KLHL13: variants seen among roughly 807,000 people sequenced by gnomAD.
The protein encoded by KLHL13 is kelch like family member 13.
A neutral mutation model predicts 37.1 loss-of-function variants in KLHL13; 10 were observed. The observed-to-expected ratio is 0.27, with a 90% CI of 0.17 to 0.46. The LOEUF (loss-of-function observed/expected upper bound fraction) is 0.46, where lower values mean the gene tolerates loss of function less well. Among genes scored for constraint, KLHL13 ranks in the 20% least tolerant of loss-of-function variants. The pLI is 1.00. For synonymous variants in KLHL13, 163 were observed against 181.2 expected, an observed-to-expected ratio of 0.90 and a Z score of 0.81; for missense variants, 360 against 509.3, an observed-to-expected ratio of 0.71 and a Z score of 2.82.
chrX:118,072,221 C>T (rs1358397475), intron 1 of KLHL13, among the ~76,000 whole-genome samples: 1 of 110,897 alleles, frequency 9.0e-6, no homozygotes. Flanking sequence ...GAAAAACAAG[C>T]AATGGGGAAA....
At chrX:118,014,820 T>G (rs2054110291) in intron 1 of KLHL13, among the ~76,000 whole-genome samples, 1 of 112,601 alleles carries the variant, frequency 8.9e-6, no homozygotes, top group South Asian at 3.6e-4. Context: ...GGAATTGGCC[T>G]AAATATCTAA....
intron 1 of KLHL13, among the ~76,000 whole-genome samples, chrX:118,008,687 A>C (rs1204569838): frequency 9.0e-6 from 1 of 111,556 alleles, no homozygotes; most frequent in Non-Finnish European, 1.9e-5. Context: ...CCTTGTCCTC[A>C]GGGAGTTTGC....
At chrX:118,072,952 G>A (rs5956866) in intron 1 of KLHL13, among the ~76,000 whole-genome samples, 6,890 of 109,867 alleles carry the variant, frequency 0.063, 568 homozygotes, top group African/African-American at 0.21. Context: ...AAATTAGCCA[G>A]GTGTGGTGGT....
intron 4 of KLHL13, among the ~76,000 whole-genome samples, chrX:117,918,754 A>G (rs763924241): frequency 8.9e-6 from 1 of 111,748 alleles, no homozygotes; most frequent in South Asian, 3.8e-4. Flanking sequence ...TCAGTAGGTG[A>G]TATGTTTCTA....
rs752332385 is a variant in KLHL13, at chrX:118,094,199, C to T, written c.-56+22309G>A. On this transcript the variant is annotated intron_variant, in intron 1 of 6. Transcript: ENST00000371882. ...CCAATGCAGAGAAGTCCTTAAAGGACCTGATGGAGCTGAAAACCACGGCAT... is the reference window on the plus strand; with the variant it reads ...CCAATGCAGAGAAGTCCTTAAAGGATCTGATGGAGCTGAAAACCACGGCAT... 2.7e-5 allele frequency among the ~76,000 whole-genome samples: 3 copies of T among 110,614 alleles called. No individual in the cohort carries two copies. In the East Asian group the frequency reaches 8.5e-4, roughly 31 times the overall value.
chrX:117,930,286 A>C (rs372716668), intron 2 of KLHL13, among the ~76,000 whole-genome samples: 6,332 of 87,556 alleles, frequency 0.072, 368 homozygotes, highest in African/African-American at 0.18. Context: ...GGAAGGAAGG[A>C]AGGAAGGCAG....
chrX:118,057,716 C>T (rs1415037810), intron 1 of KLHL13, among the ~76,000 whole-genome samples: 1 of 110,165 alleles, frequency 9.1e-6, no homozygotes, highest in Non-Finnish European at 1.9e-5. Context: ...GTCCCAGCCA[C>T]TCGGGAGGCT....
chrX:118,041,490 C>G (rs1395035729), intron 1 of KLHL13, among the ~76,000 whole-genome samples: 1 of 109,949 alleles, frequency 9.1e-6, no homozygotes, highest in East Asian at 2.8e-4. Context: ...GATCACACCA[C>G]TGCACTACAG....
intron 1 of KLHL13, among the ~76,000 whole-genome samples, chrX:118,033,392 T>G (rs1280608727): frequency 9.0e-6 from 1 of 111,446 alleles, no homozygotes; most frequent in Non-Finnish European, 1.9e-5. Context: ...ACAGCAGATC[T>G]CTCGGCAGAA....
chrX:117,916,066 G>A (rs1405697120), intron 4 of KLHL13, among the ~76,000 whole-genome samples: 2 of 111,265 alleles, frequency 1.8e-5, no homozygotes, highest in Non-Finnish European at 3.8e-5. Flanking sequence ...GCTGAGGCAG[G>A]ATAATCGCTT....
intron 1 of KLHL13, among the ~76,000 whole-genome samples, chrX:118,049,438 AAT>A (rs1363013903): frequency 8.9e-6 from 1 of 111,976 alleles, no homozygotes; most frequent in Admixed American, 9.5e-5. Context: ...TTCTTTAAAA[AAT>A]AGTTTGTTAG....
chrX:117,964,340 G>C (rs1365013644), intron 1 of KLHL13, among the ~76,000 whole-genome samples: 1 of 111,975 alleles, frequency 8.9e-6, no homozygotes, highest in African/African-American at 3.2e-5. Context: ...TATCAATATT[G>C]AAAGTACAGT....
At chrX:118,043,698 T>C (rs1427631808) in intron 1 of KLHL13, among the ~76,000 whole-genome samples, 1 of 111,545 alleles carries the variant, frequency 9.0e-6, no homozygotes, top group Admixed American at 9.5e-5. Flanking sequence ...CGCTTCATGA[T>C]AAAAAGAAAA....
chrX:118,041,056 G>A (rs2054501899), intron 1 of KLHL13, among the ~76,000 whole-genome samples: 1 of 112,204 alleles, frequency 8.9e-6, no homozygotes, highest in South Asian at 3.7e-4. Flanking sequence ...TGTCCTAGAA[G>A]AAATGCTAAA....
intron 1 of KLHL13, among the ~76,000 whole-genome samples, chrX:117,997,396 A>G (rs754409933): frequency 3.6e-5 from 4 of 111,906 alleles, no homozygotes; most frequent in Non-Finnish European, 7.5e-5. Context: ...AATAGAAAAT[A>G]CCTGAAAAGC....
intron 1 of KLHL13, among the ~76,000 whole-genome samples, chrX:117,990,841 G>A (rs1487511995): frequency 8.9e-6 from 1 of 111,809 alleles, no homozygotes. Flanking sequence ...TTATAATTTA[G>A]GCTTAAGGAA....
intron 2 of KLHL13, among the ~76,000 whole-genome samples, chrX:117,933,781 AAAC>A (rs1932595771): frequency 1.8e-5 from 2 of 111,426 alleles, no homozygotes; most frequent in South Asian, 7.5e-4. Context: ...AGGCATACAG[AAAC>A]AACAACTTAG....
chrX:118,042,807 TAAAC>T (rs1302176230), intron 1 of KLHL13, among the ~76,000 whole-genome samples: 1 of 108,273 alleles, frequency 9.2e-6, no homozygotes, highest in Non-Finnish European at 1.9e-5. Flanking sequence ...AAAATTCTAA[TAAAC>T]AACCTAACAG....
At chrX:117,909,916 G>T (rs202106669) in exon 5 of KLHL13, 1 of 1,209,994 alleles carries the variant, frequency 8.3e-7, no homozygotes, top group Admixed American at 2.2e-5. Flanking sequence ...TCAGTACAGT[G>T]CTTAAGGCTA....
Sources: gnomAD v4.1 joint callset for allele counts (sites outside exome capture counted in the v4.1 genomes callset) on GRCh38, gnomAD v4.1.1 for gene constraint, MANE v1.5 for transcripts, NCBI Gene and HGNC (gene_info 2026-07-23, HGNC 2026-07-21) for gene names.